TBC1D31: variants seen among roughly 807,000 people sequenced by gnomAD.
TBC1D31 encodes WD repeat domain 67.
In TBC1D31, 99 loss-of-function variants were observed where a neutral mutation model predicts 132.9. The ratio of observed to expected loss-of-function variants is 0.74; its 90% CI spans 0.63 to 0.88. The LOEUF (loss-of-function observed/expected upper bound fraction) is 0.88, where lower values mean the gene tolerates loss of function less well. Among genes scored for constraint, TBC1D31 ranks in the 40% least tolerant of loss-of-function variants. The pLI, the probability that TBC1D31 is intolerant of heterozygous loss-of-function variation, is 0.00. For synonymous variants in TBC1D31, 385 were observed against 419.4 expected (o/e 0.92, Z 1.00); for missense variants, 1,134 against 1,256.6 (o/e 0.90, Z 1.48).
chr8:123,110,564 A>G (rs1818347844), intron 10 of TBC1D31, among the ~76,000 whole-genome samples: 1 of 152,200 alleles, frequency 6.6e-6, no homozygotes, highest in South Asian at 2.1e-4. Flanking sequence ...TGTAACAAAT[A>G]TCCCCATGCC....
At chr8:123,146,802 A>C (rs1373856803) in intron 20 of TBC1D31, among the ~76,000 whole-genome samples, 1 of 151,774 alleles carries the variant, frequency 6.6e-6, no homozygotes, top group Non-Finnish European at 1.5e-5. Flanking sequence ...CTCCTGCCTC[A>C]GCTTCCTGAG....
At chr8:123,157,230 T>C in the TBC1D31 span, among the ~76,000 whole-genome samples, 1 of 152,194 alleles carries the variant, frequency 6.6e-6, no homozygotes, top group Non-Finnish European at 1.5e-5. Context: ...AAAATTATTG[T>C]GCCCCGTGTG....
chr8:123,125,844 G>T (rs1409648102), intron 11 of TBC1D31, among the ~76,000 whole-genome samples: 1 of 152,056 alleles, frequency 6.6e-6, no homozygotes. Context: ...CTTTTTCATT[G>T]ACTACTGTAA....
the TBC1D31 span, among the ~76,000 whole-genome samples, chr8:123,160,199 A>G: frequency 9.1e-3 from 1,393 of 152,242 alleles, 26 homozygotes; most frequent in African/African-American, 0.031. Flanking sequence ...GGTTTTGATG[A>G]CTTTGACAGT....
At position 123,151,815 on chromosome 8, in the gene TBC1D31, AT is replaced by A. The variant is rs780521150; in HGVS notation, c.3078del (p.Asn1026LysfsTer5). The A allele has an allele frequency of 7.7e-6, 12 of 1,556,100 alleles. No individual in the cohort carries two copies. Among genetic ancestry groups the A allele is most frequent in the Non-Finnish European group, 9.5e-6 (11 of 1,163,008 alleles). On this transcript the variant is annotated frameshift_variant, in exon 22 of 22. Coordinates refer to ENST00000287380, the MANE Select transcript of TBC1D31 (RefSeq NM_145647.4). LOFTEE classifies it low-confidence loss of function (END_TRUNC). Reference protein sequence around the residue: ...EMDPSTQISLNRRAVEWDTTG... With the variant: ...EMDPSTQISLXRRAVEWDTTG... ...AAATTTCGTTTTCAAGTTTCTTTAA[AT>A]AGAAGAGCAGTAGAATGGGACACCA... is the stretch of plus-strand genomic sequence containing the variant.
chr8:123,100,036 C>A (rs1180172131), intron 6 of TBC1D31, among the ~76,000 whole-genome samples: 1 of 152,032 alleles, frequency 6.6e-6, no homozygotes, highest in Non-Finnish European at 1.5e-5. Context: ...CTCATTAGGC[C>A]CTATCTGCCA....
intron 4 of TBC1D31, among the ~76,000 whole-genome samples, chr8:123,087,218 T>G (rs1380542686): frequency 6.6e-6 from 1 of 152,256 alleles, no homozygotes; most frequent in Non-Finnish European, 1.5e-5. Context: ...GCCGTCTCCT[T>G]AACTCCCACT....
At chr8:123,145,667 G>T (rs1449712153) in intron 20 of TBC1D31, among the ~76,000 whole-genome samples, 3 of 149,596 alleles carry the variant, frequency 2.0e-5, no homozygotes, top group African/African-American at 7.4e-5. Context: ...CTCTAGCCTG[G>T]GCAACAGAGA....
downstream of TBC1D31, among the ~76,000 whole-genome samples, chr8:123,155,815 C>A (rs1586758531): frequency 6.6e-6 from 1 of 152,216 alleles, no homozygotes; most frequent in East Asian, 1.9e-4. The surrounding 1 kb of genome is among the most constrained non-coding windows in gnomAD (Gnocchi z 4.1). Context: ...ACACCCATAT[C>A]TCACAGGGAT....
At position 123,120,077 on chromosome 8, in the gene TBC1D31, T is replaced by C. The variant is rs780616960; in HGVS notation, c.1459T>C (p.Trp487Arg). The C allele has an allele frequency of 2.1e-5, 33 of 1,606,318 alleles. No individual in the cohort carries two copies. The highest frequency in any genetic ancestry group is 2.7e-5 in the African/African-American group (2 of 74,690). ...LQRTLSALAH[W>R]SVIFSDTPYL... ...CAGAACCTTATCTGCATTAGCTCAC[T>C]GGTCTGTCATTTTTAGTGACACACC... is the stretch of plus-strand genomic sequence containing the variant. The change falls in exon 11 of 22, where the codon TGG becomes CGG. Residue 487 changes from tryptophan (W) to arginine (R), a missense_variant. Physicochemically the swap from Trp to Arg is moderately radical, Grantham distance 101 (BLOSUM62 -3). Coordinates refer to ENST00000287380, the MANE Select transcript of TBC1D31 (RefSeq NM_145647.4).
At chr8:123,127,838 A>G (rs1158228649) in intron 13 of TBC1D31, 1 of 155,230 alleles carries the variant, frequency 6.4e-6, no homozygotes, top group Non-Finnish European at 1.4e-5. Context: ...TTACTGTCCA[A>G]TTAAACTTTA....
intron 10 of TBC1D31, among the ~76,000 whole-genome samples, chr8:123,117,907 AAC>A (rs1252251630): frequency 2.6e-5 from 4 of 152,212 alleles, no homozygotes; most frequent in African/African-American, 9.6e-5. Flanking sequence ...CAGCCTGGGC[AAC>A]AGTGTGCAAA....
Position 123,072,852 on chromosome 8 carries a change from G to A in TBC1D31, c.77+6G>A. On this transcript the variant is annotated splice_donor_region_variant and intron_variant, in intron 1 of 21. Transcript: ENST00000287380. ...TCCCCGGCCACGCGGGACGGGTAAA[G>A]GCCGTGGCGGGAGGGCGCGGGCTGT... 2 of 1,559,568 alleles carry A rather than the reference G, an allele frequency of 1.3e-6. No individual in the cohort carries two copies. Among genetic ancestry groups the A allele is most frequent in the South Asian group, 2.4e-5 (2 of 84,684 alleles).
intron 20 of TBC1D31, among the ~76,000 whole-genome samples, chr8:123,147,998 A>T (rs913310549): frequency 2.4e-4 from 36 of 152,000 alleles, no homozygotes; most frequent in African/African-American, 8.7e-4. Flanking sequence ...GTGGTGGTAC[A>T]CACCTGTAAT....
At chr8:123,144,492 C>T (rs997312358) in intron 19 of TBC1D31, among the ~76,000 whole-genome samples, 3 of 152,136 alleles carry the variant, frequency 2.0e-5, no homozygotes, top group African/African-American at 7.2e-5. Flanking sequence ...TGCTTTGTGG[C>T]ACTCTGCAAT....
At chr8:123,145,476 A>C (rs762247227) in intron 20 of TBC1D31, among the ~76,000 whole-genome samples, 168 of 152,226 alleles carry the variant, frequency 1.1e-3, no homozygotes, top group Non-Finnish European at 2.2e-4. Flanking sequence ...TTCAAGTATC[A>C]CATGGAAACT....
intron 11 of TBC1D31, among the ~76,000 whole-genome samples, chr8:123,122,485 G>T (rs1004930686): frequency 6.6e-6 from 1 of 152,162 alleles, no homozygotes; most frequent in African/African-American, 2.4e-5. Context: ...TCTAGAATAG[G>T]TAAATTCATA....
At position 123,146,322 on chromosome 8, in the gene TBC1D31, C is replaced by T. The variant is rs72722024; in HGVS notation, c.2974+1467C>T. Among the ~76,000 whole-genome samples the T allele has an allele frequency of 4.3e-3, 659 of 152,276 alleles. 5 individuals carry two copies. The highest frequency in any genetic ancestry group is 7.2e-3 in the Non-Finnish European group (491 of 68,014). On this transcript the variant is annotated intron_variant, in intron 20 of 21. Coordinates refer to ENST00000287380, the MANE Select transcript of TBC1D31 (RefSeq NM_145647.4). ...AACCCAGTACCCATTAGCAGTCACTCCCCATTTCCACTCACTCCCCCAAGC... is the reference window on the plus strand; with the variant it reads ...AACCCAGTACCCATTAGCAGTCACTTCCCATTTCCACTCACTCCCCCAAGC...
chr8:123,127,261 A>ATTTTTTTTTTTT (rs35198781), intron 13 of TBC1D31, among the ~76,000 whole-genome samples: 2 of 69,924 alleles, frequency 2.9e-5, no homozygotes, highest in African/African-American at 1.2e-4. Context: ...TGCTTTTTGC[A>ATTTTTTTTTTTT]TTTTTTTTTT....
Sources: allele counts gnomAD v4.1 joint callset (sites outside exome capture counted in the v4.1 genomes callset), GRCh38; gene constraint gnomAD v4.1.1; non-coding constraint Gnocchi (gnomAD v3.1); transcripts MANE v1.5; gene names NCBI Gene and HGNC (gene_info 2026-07-23, HGNC 2026-07-21).